PPP2R2A: variants seen among roughly 807,000 people sequenced by gnomAD.
PPP2R2A encodes serine/threonine-protein phosphatase 2A 55 kDa regulatory subunit B alpha isoform.
Under a neutral mutation model 53.2 loss-of-function variants are expected in PPP2R2A, and 9 were observed. The ratio of observed to expected loss-of-function variants is 0.17; its 90% CI spans 0.10 to 0.30. The LOEUF (loss-of-function observed/expected upper bound fraction) is 0.30. Among genes scored for constraint, PPP2R2A ranks in the 10% least tolerant of loss-of-function variants. The pLI is 1.00. For synonymous variants in PPP2R2A, 169 were observed against 174.2 expected (o/e 0.97, Z 0.23); for missense variants, 235 against 534.6 (o/e 0.44, Z 5.53).
chr8:26,303,968 T>C (rs915341598), intron 2 of PPP2R2A, among the ~76,000 whole-genome samples: 1 of 152,248 alleles, frequency 6.6e-6, no homozygotes, highest in African/African-American at 2.4e-5. Flanking sequence ...AAATACCAGA[T>C]GGAGTTTTCT....
chr8:26,296,165 G>C (rs965137783), intron 2 of PPP2R2A, among the ~76,000 whole-genome samples: 5 of 152,184 alleles, frequency 3.3e-5, no homozygotes, highest in Non-Finnish European at 2.9e-5. Flanking sequence ...ATTATTCCCT[G>C]CTTCTTCGTC....
chr8:26,363,521 T>C (rs113565708), intron 7 of PPP2R2A, 200 bp from the exon 8 acceptor site: 15 of 477,846 alleles, frequency 3.1e-5, no homozygotes, highest in South Asian at 1.8e-4. Context: ...TGCATACTTA[T>C]GCATCTTCAA....
chr8:26,360,204 G>A lies in PPP2R2A; in HGVS notation c.382G>A (p.Asp128Asn), dbSNP rs1293823441. The A allele has an allele frequency of 2.5e-6, 4 of 1,609,012 alleles. No individual in the cohort carries two copies. Among genetic ancestry groups the A allele is most frequent in the Non-Finnish European group, 3.4e-6 (4 of 1,176,612 alleles). Residue 128 changes from aspartate (D) to asparagine (N), a missense_variant, in exon 5 of 10, where the codon GAC becomes AAC. Physicochemically the swap from Asp to Asn is conservative, Grantham distance 23 (BLOSUM62 1). Coordinates refer to ENST00000380737, the MANE Select transcript of PPP2R2A (RefSeq NM_002717.4). This position sits in a 1 kb window ranked among gnomAD's most constrained non-coding sequence, Gnocchi z 4.5. ...AAAATTATGGAAAATCAGTGAAAGG[G>A]ACAAAAGACCAGAAGGGTATAACTT... ...TIKLWKISER[D>N]KRPEGYNLKE... is the part of the protein sequence containing the mutation.
chr8:26,361,604 T>A (rs1277892063), intron 6 of PPP2R2A, among the ~76,000 whole-genome samples: 1 of 151,894 alleles, frequency 6.6e-6, no homozygotes, highest in East Asian at 1.9e-4. Flanking sequence ...ACACCCTGTC[T>A]CTAAAAAAAT....
At position 26,354,455 on chromosome 8, in the gene PPP2R2A, GT is replaced by G. The variant is rs1563318926; in HGVS notation, c.181-9del. 6.7e-7 allele frequency: 1 copy of G among 1,500,002 alleles called. No homozygotes were observed. The highest frequency in any genetic ancestry group is 1.4e-5 in the African/African-American group (1 of 71,160). 92.9% of individuals were successfully genotyped at this position (1,500,002 alleles called of 1,614,324 possible). On this transcript the variant is annotated splice_polypyrimidine_tract_variant and intron_variant, in intron 3 of 9. Coordinates refer to ENST00000380737, the MANE Select transcript of PPP2R2A (RefSeq NM_002717.4). This position sits in a 1 kb window ranked among gnomAD's most constrained non-coding sequence, Gnocchi z 4.6. ...TTTCAACAATGGTCCATATATTTTT[GT>G]TTTCATTTTAGAACAAAATCCAGTC...
At chr8:26,346,164 A>T (rs1308525888) in intron 3 of PPP2R2A, among the ~76,000 whole-genome samples, 1 of 149,158 alleles carries the variant, frequency 6.7e-6, no homozygotes, top group East Asian at 2.0e-4. Context: ...TTAGTTTTAC[A>T]GAGTCTCACT....
In PPP2R2A at chr8:26,372,450, C is replaced by G. The variant is rs537981148; in HGVS notation, c.*2037C>G. On this transcript the variant is annotated 3_prime_UTR_variant, in exon 10 of 10. Transcript: ENST00000380737. ...TCTCAGAAATTCTTTTTTGATTGATCAGTAGCTATGATGATTCTCCTCCAT... is the reference window on the plus strand; with the variant it reads ...TCTCAGAAATTCTTTTTTGATTGATGAGTAGCTATGATGATTCTCCTCCAT... 2 of 152,216 alleles carry G rather than the reference C, an allele frequency of 1.3e-5. No individual in the cohort carries two copies. The highest frequency in any genetic ancestry group is 3.9e-4 in the East Asian group (2 of 5,182). 9.4% of individuals were successfully genotyped at this position (152,216 alleles called of 1,614,324 possible). A position where few individuals can be genotyped will look rare whatever the true frequency, so the allele number is the denominator to read the frequency against.
At chr8:26,349,105 G>A (rs1804363499) in intron 3 of PPP2R2A, among the ~76,000 whole-genome samples, 1 of 152,124 alleles carries the variant, frequency 6.6e-6, no homozygotes, top group African/African-American at 2.4e-5. Context: ...TGGCTTGTGG[G>A]AACAGCTTAT....
rs1185440262 is a variant in PPP2R2A at position 26,316,965 on chromosome 8, A to G, written c.83-21925A>G. On this transcript the variant is annotated intron_variant, in intron 2 of 9. Coordinates refer to ENST00000380737, the MANE Select transcript of PPP2R2A (RefSeq NM_002717.4). Reference sequence around the variant, plus strand: ...ATAGTCAGTTACTGATTGCAGGGCAACTAAAATACCAGTTTTCCATTGGGA... The same window carrying G: ...ATAGTCAGTTACTGATTGCAGGGCAGCTAAAATACCAGTTTTCCATTGGGA... 3.3e-5 allele frequency among the ~76,000 whole-genome samples: 5 copies of G among 152,360 alleles called. No individual in the cohort carries two copies. The East Asian group carries it at 9.6e-4, about 29-fold the overall frequency.
rs370450342 is a variant in PPP2R2A, at chr8:26,297,115, GGT to G, written c.82+3391_82+3392del. Among the ~76,000 whole-genome samples, 54 of 151,332 alleles carry G rather than the reference GGT, an allele frequency of 3.6e-4. No individual in the cohort carries two copies. In the East Asian group the frequency reaches 8.7e-3, roughly 24 times the overall value. ...ATGTAAAAACAGCCCAAATTCTTTTGGTGTGTGTGTGTGTGTGAGACAGAGTC... is the reference window on the plus strand; with the variant it reads ...ATGTAAAAACAGCCCAAATTCTTTTGGTGTGTGTGTGTGTGAGACAGAGTC... On this transcript the variant is annotated intron_variant, in intron 2 of 9. Coordinates refer to ENST00000380737, the MANE Select transcript of PPP2R2A (RefSeq NM_002717.4).
Position 26,291,617 on chromosome 8 carries a change from G to T in PPP2R2A, c.-203G>T, listed in dbSNP as rs2117171300. On this transcript the variant is annotated 5_prime_UTR_variant, in exon 1 of 10. Transcript: ENST00000380737. ...GCTGCCGGAGAAAGAGCACGAGCGG[G>T]GAAGCCCCAGAGTGAAATCTAGCAT... 1 of 583,318 alleles carries T rather than the reference G, an allele frequency of 1.7e-6. No homozygotes were observed. The highest frequency in any genetic ancestry group is 3.3e-5 in the East Asian group (1 of 30,110). 36.1% of individuals were successfully genotyped at this position (583,318 alleles called of 1,614,324 possible). A position where few individuals can be genotyped will look rare whatever the true frequency, so the allele number is the denominator to read the frequency against.
intron 3 of PPP2R2A, among the ~76,000 whole-genome samples, chr8:26,349,533 C>G (rs1804389053): frequency 6.6e-6 from 1 of 152,100 alleles, no homozygotes; most frequent in Admixed American, 6.5e-5. Flanking sequence ...TATGGTAGTT[C>G]TATTTTTAGC....
intron 8 of PPP2R2A, 114 bp downstream of exon 8, chr8:26,364,004 C>A: frequency 1.1e-6 from 1 of 916,628 alleles, no homozygotes; most frequent in Non-Finnish European, 1.5e-6. Flanking sequence ...CACCATTAGG[C>A]CTTTTCCCTC....
At chr8:26,311,254 C>T (rs1802278793) in intron 2 of PPP2R2A, among the ~76,000 whole-genome samples, 1 of 151,978 alleles carries the variant, frequency 6.6e-6, no homozygotes, top group African/African-American at 2.4e-5. Context: ...TATCTGATAC[C>T]CAATTAACAG....
intron 3 of PPP2R2A, among the ~76,000 whole-genome samples, chr8:26,348,194 C>T (rs1804316830): frequency 6.6e-6 from 1 of 152,028 alleles, no homozygotes. Flanking sequence ...TTATTTTCTG[C>T]TATATGAGAT....
At position 26,371,031 on chromosome 8, in the gene PPP2R2A, A is replaced by G. The variant is rs1295549214; in HGVS notation, c.*618A>G. Reference sequence around the variant, plus strand: ...ATAAAGGGGGTATATGTTGCAAACAAATGTTTTAGTAACAGTTGGCTGTAA... The same window carrying G: ...ATAAAGGGGGTATATGTTGCAAACAGATGTTTTAGTAACAGTTGGCTGTAA... On this transcript the variant is annotated 3_prime_UTR_variant, in exon 10 of 10. Transcript: ENST00000380737. The G allele has an allele frequency of 6.6e-6, 1 of 152,622 alleles. No individual in the cohort carries two copies. Among genetic ancestry groups the G allele is most frequent in the African/African-American group, 2.4e-5 (1 of 41,422 alleles). 9.5% of individuals were successfully genotyped at this position (152,622 alleles called of 1,614,324 possible).
chr8:26,335,653 A>G (rs1301889350), intron 2 of PPP2R2A, among the ~76,000 whole-genome samples: 2 of 152,192 alleles, frequency 1.3e-5, no homozygotes, highest in Non-Finnish European at 2.9e-5. Flanking sequence ...TAAAATCTAA[A>G]AATTGGTAAT....
chr8:26,367,218 A>T (rs1269595410), intron 9 of PPP2R2A, among the ~76,000 whole-genome samples: 1 of 152,182 alleles, frequency 6.6e-6, no homozygotes, highest in African/African-American at 2.4e-5. Context: ...TGACATAAGG[A>T]CTAGTAAACC....
chr8:26,354,716 A>G lies in PPP2R2A; in HGVS notation c.346+83A>G. On this transcript the variant is annotated intron_variant, in intron 4 of 9. Coordinates refer to ENST00000380737, the MANE Select transcript of PPP2R2A (RefSeq NM_002717.4). This position sits in a 1 kb window ranked among gnomAD's most constrained non-coding sequence, Gnocchi z 4.6. Reference sequence around the variant, plus strand: ...TGTAGCCTAGGAGAGGAATCATTTAACAGAGATACTTGTAAAAAGGACTTT... The same window carrying G: ...TGTAGCCTAGGAGAGGAATCATTTAGCAGAGATACTTGTAAAAAGGACTTT... 1 of 1,227,616 alleles carries G rather than the reference A, an allele frequency of 8.1e-7. No homozygotes were observed. The allele number at this position is 1,227,616 out of a possible 1,614,324, so 76.0% of individuals were successfully genotyped here. A position where few individuals can be genotyped will look rare whatever the true frequency, so the allele number is the denominator to read the frequency against.
Sources: allele counts gnomAD v4.1 joint callset (sites outside exome capture counted in the v4.1 genomes callset), GRCh38; gene constraint gnomAD v4.1.1; non-coding constraint Gnocchi (gnomAD v3.1); transcripts MANE v1.5; gene names NCBI Gene and HGNC (gene_info 2026-07-23, HGNC 2026-07-21).